Variants in SLC24A2 observed in about 807,000 individuals in gnomAD.
SLC24A2 encodes the protein solute carrier family 24 member 2, also known as sodium/potassium/calcium exchanger 2.
Under a neutral mutation model 62.0 loss-of-function variants are expected in SLC24A2, and 36 were observed. The observed-to-expected ratio is 0.58, with a 90% confidence interval of 0.44 to 0.77. SLC24A2 has a LOEUF of 0.77. Ranked by LOEUF, SLC24A2 falls within the 30% of genes least tolerant of loss-of-function variation. The pLI is 0.00. For synonymous variants in SLC24A2, 358 were observed against 294.0 expected, an observed-to-expected ratio of 1.22 and a Z score of -2.23; for missense variants, 846 against 817.9, an observed-to-expected ratio of 1.03 and a Z score of -0.42.
intron 7 of SLC24A2, among the ~76,000 whole-genome samples, chr9:19,561,276 T>C (rs1227232848): frequency 1.3e-5 from 2 of 151,862 alleles, no homozygotes; most frequent in Non-Finnish European, 2.9e-5. Flanking sequence ...TCTGTTCTTA[T>C]CCTCTACTTT....
chr9:20,200,693 C>G, the SLC24A2 span, among the ~76,000 whole-genome samples: 1 of 152,186 alleles, frequency 6.6e-6, no homozygotes, highest in Admixed American at 6.5e-5. Flanking sequence ...GCTTTATTAG[C>G]TTCATGGTAA....
chr9:20,108,143 A>G, the SLC24A2 span, among the ~76,000 whole-genome samples: 21 of 152,364 alleles, frequency 1.4e-4, no homozygotes, highest in South Asian at 3.5e-3. Flanking sequence ...TCAAACCACA[A>G]TGAGATACCA....
intron 6 of SLC24A2, 85 bp from the exon 7 acceptor site, chr9:19,573,554 A>AGC: frequency 2.3e-6 from 2 of 878,174 alleles, no homozygotes; most frequent in Non-Finnish European, 1.9e-6. Context: ...AGAGAGAGAG[A>AGC]AAGCAAATGG....
At chr9:19,990,618 AAAAAAAAAAAAC>A in the SLC24A2 span, among the ~76,000 whole-genome samples, 1 of 99,934 alleles carries the variant, frequency 1.0e-5, no homozygotes, top group African/African-American at 4.3e-5. Context: ...TAAAAAAACA[AAAAAAAAAAAAC>A]AAAACAAAAA....
At chr9:20,074,772 T>G in the SLC24A2 span, among the ~76,000 whole-genome samples, 1 of 152,110 alleles carries the variant, frequency 6.6e-6, no homozygotes, top group Non-Finnish European at 1.5e-5. Flanking sequence ...CTGTCAAGGA[T>G]CTAGTAAGAT....
At chr9:19,836,796 A>T in the SLC24A2 span, among the ~76,000 whole-genome samples, 2 of 151,982 alleles carry the variant, frequency 1.3e-5, no homozygotes, top group Non-Finnish European at 1.5e-5. Context: ...TTTAGACCAA[A>T]ATCCTTGATG....
chr9:20,175,132 G>C, the SLC24A2 span, among the ~76,000 whole-genome samples: 1 of 151,798 alleles, frequency 6.6e-6, no homozygotes, highest in Non-Finnish European at 1.5e-5. Flanking sequence ...AGTAATTCAG[G>C]AATGGAAAAT....
intron 2 of SLC24A2, among the ~76,000 whole-genome samples, chr9:19,763,702 G>T (rs751975761): frequency 6.6e-6 from 1 of 152,174 alleles, no homozygotes; most frequent in Non-Finnish European, 1.5e-5. Context: ...TGTGCTGCTG[G>T]ATTCGGTTTG....
the SLC24A2 span, among the ~76,000 whole-genome samples, chr9:20,186,248 C>G: frequency 1.3e-5 from 2 of 152,286 alleles, no homozygotes; most frequent in South Asian, 4.1e-4. Flanking sequence ...TACCTAGTGC[C>G]ATATTCAAAG....
chr9:19,897,893 A>C, the SLC24A2 span, among the ~76,000 whole-genome samples: 3 of 152,208 alleles, frequency 2.0e-5, no homozygotes, highest in Non-Finnish European at 4.4e-5. Flanking sequence ...AGAATTACGC[A>C]CTACAGTTTA....
chr9:19,723,802 A>T (rs1821096057), intron 2 of SLC24A2, among the ~76,000 whole-genome samples: 1 of 152,064 alleles, frequency 6.6e-6, no homozygotes, highest in African/African-American at 2.4e-5. Flanking sequence ...TGCAACTCAA[A>T]AAGTTTTTTT....
the SLC24A2 span, among the ~76,000 whole-genome samples, chr9:20,034,766 C>G: frequency 6.6e-6 from 1 of 152,148 alleles, no homozygotes; most frequent in South Asian, 2.1e-4. Context: ...CCGCGCCCGG[C>G]CTGCCTTTTA....
the SLC24A2 span, among the ~76,000 whole-genome samples, chr9:20,186,923 G>A: frequency 3.5e-4 from 53 of 152,228 alleles, no homozygotes; most frequent in African/African-American, 1.1e-3. Context: ...AGGGGTGTGG[G>A]TGGGAGTGGA....
upstream of SLC24A2, among the ~76,000 whole-genome samples, chr9:19,790,151 G>A (rs1039433377): frequency 6.6e-6 from 1 of 151,756 alleles, no homozygotes; most frequent in African/African-American, 2.4e-5. Flanking sequence ...GCCCAAGCTT[G>A]TCTTGAATTC....
At chr9:20,009,856 C>T in the SLC24A2 span, among the ~76,000 whole-genome samples, 10 of 152,136 alleles carry the variant, frequency 6.6e-5, no homozygotes, top group African/African-American at 2.4e-4. Flanking sequence ...GCAGGCAAGC[C>T]CATACCCACA....
chr9:19,741,123 G>A (rs1821664218), intron 2 of SLC24A2, among the ~76,000 whole-genome samples: 1 of 152,152 alleles, frequency 6.6e-6, no homozygotes, highest in African/African-American at 2.4e-5. Context: ...GGTTTCTGCT[G>A]CTGCCATCAG....
chr9:19,979,774 G>C, the SLC24A2 span, among the ~76,000 whole-genome samples: 1 of 152,136 alleles, frequency 6.6e-6, no homozygotes, highest in Non-Finnish European at 1.5e-5. Context: ...ATAAGACATA[G>C]AGATGAAAAC....
chr9:19,861,745 T>C, the SLC24A2 span, among the ~76,000 whole-genome samples: 25 of 152,098 alleles, frequency 1.6e-4, no homozygotes, highest in African/African-American at 6.0e-4. Context: ...ATTGAAATAA[T>C]TAAAAGGAAT....
chr9:20,196,857 T>C, the SLC24A2 span, among the ~76,000 whole-genome samples: 1 of 152,370 alleles, frequency 6.6e-6, no homozygotes, highest in African/African-American at 2.4e-5. Flanking sequence ...ACTTGTGGAA[T>C]TGGCATATAT....
Sources: allele counts gnomAD v4.1 joint callset (sites outside exome capture counted in the v4.1 genomes callset), GRCh38; gene constraint gnomAD v4.1.1; transcripts MANE v1.5; gene names NCBI Gene and HGNC (gene_info 2026-07-23, HGNC 2026-07-21).